AHCTF1: variants seen among roughly 807,000 people sequenced by gnomAD.
AHCTF1 encodes the protein AT-hook containing transcription factor 1.
AHCTF1 carries 24 observed loss-of-function variants against 248.4 expected under a neutral mutation model. The ratio of observed to expected loss-of-function variants is 0.10; its 90% confidence interval spans 0.07 to 0.14. The LOEUF (loss-of-function observed/expected upper bound fraction) is 0.14, where lower values mean the gene tolerates loss of function less well. Among genes scored for constraint, AHCTF1 ranks in the 10% least tolerant of loss-of-function variants. The pLI is 1.00. For synonymous variants in AHCTF1, 786 were observed against 929.8 expected (o/e 0.85, Z 2.81); for missense variants, 2,206 against 2,636.2 (o/e 0.84, Z 3.57).
rs1188048650 is a variant in AHCTF1, at chr1:246,849,797, T to A, written c.6209A>T (p.Asp2070Val). The A allele has an allele frequency of 6.2e-7, 1 of 1,614,014 alleles. No homozygotes were observed. The highest frequency in any genetic ancestry group is 1.1e-5 in the South Asian group (1 of 91,082). The change falls in exon 33 of 36, where the codon GAT becomes GTT. Residue 2070 changes from aspartate (D) to valine (V), a missense_variant. Coordinates refer to ENST00000648844, the MANE Select transcript of AHCTF1 (RefSeq NM_001323342.2). ...ATTTGTTTCTTTATGTGTCATTTCA[T>A]CTGTGCGTTCTTCTGATACTGAGTG... ...SLHSVSEERT[D>V]EMTHKETNEQ...
At chr1:246,904,099 G>A (rs1665213031) in intron 6 of AHCTF1, 66 bp from the exon 7 acceptor site, 1 of 1,392,128 alleles carries the variant, frequency 7.2e-7, no homozygotes, top group Non-Finnish European at 1.0e-6. Flanking sequence ...TACTGTCCAA[G>A]TAAGTTTAGT....
rs1168192322 is a variant in AHCTF1, at chr1:246,867,901, C to CCCACACACA, written c.3089-91_3089-90insTGTGTGTGG. On this transcript the variant is annotated intron_variant, in intron 24 of 35. Coordinates refer to ENST00000648844, the MANE Select transcript of AHCTF1 (RefSeq NM_001323342.2). Reference sequence around the variant, plus strand: ...TGAAAGAATGATTACACCCCCCCCCCCACACACACACACACACACATTACG... The same window carrying CCCACACACA: ...TGAAAGAATGATTACACCCCCCCCCCCCACACACACACACACACACACACACACATTACG... 8.6e-5 allele frequency: 27 copies of CCCACACACA among 313,838 alleles called. No homozygotes were observed. The African/African-American group carries it at 1.2e-3, about 15-fold the overall frequency. 19.4% of individuals were successfully genotyped at this position (313,838 alleles called of 1,614,324 possible). A position where few individuals can be genotyped will look rare whatever the true frequency, so the allele number is the denominator to read the frequency against.
Position 246,839,501 on chromosome 1 carries a change from C to G in AHCTF1, c.*1305G>C, listed in dbSNP as rs1250412012. On this transcript the variant is annotated 3_prime_UTR_variant, in exon 36 of 36. Coordinates refer to ENST00000648844, the MANE Select transcript of AHCTF1 (RefSeq NM_001323342.2). Reference sequence around the variant, plus strand: ...ATAAAATCAAAGTCAGTGAAATTTTCAACAAGGCAGCGTAACATCCATCAC... The same window carrying G: ...ATAAAATCAAAGTCAGTGAAATTTTGAACAAGGCAGCGTAACATCCATCAC... The G allele has an allele frequency of 6.1e-6, 6 of 985,052 alleles. No homozygotes were observed. The highest frequency in any genetic ancestry group is 7.2e-6 in the Non-Finnish European group (6 of 829,422). 61.0% of individuals were successfully genotyped at this position (985,052 alleles called of 1,614,324 possible). A position where few individuals can be genotyped will look rare whatever the true frequency, so the allele number is the denominator to read the frequency against.
At chr1:246,872,066 A>AG (rs1662633698) in intron 24 of AHCTF1, among the ~76,000 whole-genome samples, 1 of 151,372 alleles carries the variant, frequency 6.6e-6, no homozygotes, top group Non-Finnish European at 1.5e-5. Context: ...AAAAAAAAAA[A>AG]AAAAGAACCT....
At position 246,849,996 on chromosome 1, in the gene AHCTF1, T is replaced by A. The variant is rs1360086012; in HGVS notation, c.6010A>T (p.Ser2004Cys). 6.2e-7 allele frequency: 1 copy of A among 1,613,580 alleles called. No homozygotes were observed. Residue 2004 changes from serine to cysteine, a missense_variant, in exon 33 of 36, where the codon AGC becomes TGC. Physicochemically the swap from Ser to Cys is moderately radical, Grantham distance 112. Coordinates refer to ENST00000648844, the MANE Select transcript of AHCTF1 (RefSeq NM_001323342.2). ...TTTCTTGTAGATCTCCTTCTAATGC[T>A]GGGAGCTTCTTTCTTCTTGGGGCTT... is the stretch of plus-strand genomic sequence containing the variant. ...ERSPKKKEAPSIRRRSTRNTP... is the reference protein window; with the variant it reads ...ERSPKKKEAPCIRRRSTRNTP...
intron 30 of AHCTF1, among the ~76,000 whole-genome samples, chr1:246,856,853 G>A (rs1299960675): frequency 6.6e-6 from 1 of 152,212 alleles, no homozygotes; most frequent in Non-Finnish European, 1.5e-5. Flanking sequence ...GGTCTGGTAA[G>A]TCCCTTTCAT....
intron 27 of AHCTF1, among the ~76,000 whole-genome samples, chr1:246,862,676 A>C (rs527480152): frequency 6.6e-6 from 1 of 152,272 alleles, no homozygotes; most frequent in East Asian, 1.9e-4. Flanking sequence ...TCTTTCTAAA[A>C]GCATTATTTC....
intron 24 of AHCTF1, among the ~76,000 whole-genome samples, chr1:246,874,190 G>A (rs1662788171): frequency 1.3e-5 from 2 of 152,084 alleles, no homozygotes; most frequent in Non-Finnish European, 2.9e-5. Flanking sequence ...AAGTAGACAT[G>A]CCAACAAATT....
intron 10 of AHCTF1, 51 bp downstream of exon 10, chr1:246,900,014 A>G (rs1664881481): frequency 4.0e-6 from 6 of 1,504,100 alleles, no homozygotes; most frequent in Non-Finnish European, 5.4e-6. Flanking sequence ...ATACATTTAC[A>G]TACTTTTGTG....
At chr1:246,843,686 A>C in intron 34 of AHCTF1, 109 bp downstream of exon 34, 4 of 933,078 alleles carry the variant, frequency 4.3e-6, no homozygotes, top group Non-Finnish European at 5.5e-6. Flanking sequence ...TTAAATAATA[A>C]ACAAAATTTA....
At position 246,839,537 on chromosome 1, in the gene AHCTF1, A is replaced by T. The variant is rs1659695591; in HGVS notation, c.*1269T>A. 7.1e-6 allele frequency: 7 copies of T among 985,752 alleles called. No individual in the cohort carries two copies. Among genetic ancestry groups the T allele is most frequent in the African/African-American group, 1.7e-5 (1 of 57,242 alleles). The allele number at this position is 985,752 out of a possible 1,614,324, so 61.1% of individuals were successfully genotyped here. ...CGTAACATCCATCACTAACCTGACT[A>T]AAAGGCCGCACTCGCACTGCTTTCA... On this transcript the variant is annotated 3_prime_UTR_variant, in exon 36 of 36. Transcript: ENST00000648844.
intron 31 of AHCTF1, among the ~76,000 whole-genome samples, chr1:246,854,963 T>TTTACG (rs1661007643): frequency 4.5e-5 from 1 of 22,140 alleles, no homozygotes; most frequent in South Asian, 8.7e-4. Context: ...TGATCGGCTT[T>TTTACG]TTACATGTTA....
chr1:246,923,011 A>G (rs1666678394), intron 1 of AHCTF1, among the ~76,000 whole-genome samples: 1 of 149,282 alleles, frequency 6.7e-6, no homozygotes, highest in Non-Finnish European at 1.5e-5. Context: ...AAAAGTATCA[A>G]TAGTATTCTT....
intron 20 of AHCTF1, among the ~76,000 whole-genome samples, chr1:246,886,718 A>G (rs1242413625): frequency 6.6e-6 from 1 of 152,230 alleles, no homozygotes; most frequent in Non-Finnish European, 1.5e-5. Context: ...GCCATTTTAT[A>G]TAAGAGACAT....
At chr1:246,887,145 A>C in intron 20 of AHCTF1, 66 bp downstream of exon 20, 1 of 1,512,766 alleles carries the variant, frequency 6.6e-7, no homozygotes, top group African/African-American at 1.4e-5. Flanking sequence ...ACCAAATTTA[A>C]ATTATGTGTA....
At chr1:246,904,671 T>C (rs1273862515) in intron 6 of AHCTF1, among the ~76,000 whole-genome samples, 3 of 152,170 alleles carry the variant, frequency 2.0e-5, no homozygotes, top group Non-Finnish European at 4.4e-5. Context: ...AAAGTGAAGA[T>C]ACTAAATCAA....
At chr1:246,878,131 C>T (rs2103108367) in intron 21 of AHCTF1, among the ~76,000 whole-genome samples, 1 of 151,996 alleles carries the variant, frequency 6.6e-6, no homozygotes, top group Admixed American at 6.6e-5. Flanking sequence ...GGCATAATGG[C>T]TCATGCCTGT....
At chr1:246,861,840 G>C in intron 28 of AHCTF1, 119 bp downstream of exon 28, 1 of 869,140 alleles carries the variant, frequency 1.2e-6, no homozygotes, top group Non-Finnish European at 1.7e-6. Context: ...CTAGCTACAA[G>C]ATTATATACA....
intron 13 of AHCTF1, 146 bp downstream of exon 13, chr1:246,895,689 G>C: frequency 1.6e-6 from 1 of 626,956 alleles, no homozygotes; most frequent in East Asian, 2.9e-5. Flanking sequence ...CGTGCTAAAG[G>C]GGGTGGGATC....
Sources: allele counts gnomAD v4.1 joint callset (sites outside exome capture counted in the v4.1 genomes callset), GRCh38; gene constraint gnomAD v4.1.1; transcripts MANE v1.5; gene names NCBI Gene and HGNC (gene_info 2026-07-23, HGNC 2026-07-21).